NAV3: variants seen among roughly 807,000 people sequenced by gnomAD.
The protein encoded by NAV3 is neuron navigator 3, also known as pore membrane and/or filament interacting like protein 1.
Under a neutral mutation model 244.7 loss-of-function variants are expected in NAV3, and 87 were observed. That is an observed-to-expected ratio of 0.36 (90% confidence interval 0.30 to 0.42). NAV3 has a LOEUF of 0.42. Among genes scored for constraint, NAV3 ranks in the 20% least tolerant of loss-of-function variants. NAV3 has a pLI of 1.00. For synonymous variants in NAV3, 1,126 were observed against 1,042.2 expected, an observed-to-expected ratio of 1.08 and a Z score of -1.55; for missense variants, 2,663 against 2,893.3, an observed-to-expected ratio of 0.92 and a Z score of 1.83.
chr12:78,013,475 C>T (rs1566019247), intron 8 of NAV3, among the ~76,000 whole-genome samples: 1 of 152,180 alleles, frequency 6.6e-6, no homozygotes, highest in East Asian at 1.9e-4. Flanking sequence ...GGGAGGGAAA[C>T]ATAAGGCTGA....
intron 9 of NAV3, among the ~76,000 whole-genome samples, chr12:78,048,248 T>C (rs757021561): frequency 1.3e-5 from 2 of 152,176 alleles, no homozygotes; most frequent in Non-Finnish European, 2.9e-5. Context: ...TCCAGTTCTG[T>C]TCCCTTGCTG....
chr12:77,842,256 C>G (rs1054698323), intron 1 of NAV3, among the ~76,000 whole-genome samples: 1 of 152,072 alleles, frequency 6.6e-6, no homozygotes, highest in Non-Finnish European at 1.5e-5. Flanking sequence ...TACACAAATA[C>G]CATATAAAAA....
intron 2 of NAV3, among the ~76,000 whole-genome samples, chr12:77,816,175 G>A (rs1872520140): frequency 6.6e-6 from 1 of 152,148 alleles, no homozygotes; most frequent in African/African-American, 2.4e-5. Flanking sequence ...AATGAAGACT[G>A]TTACAAATAC....
chr12:77,719,960 T>C (rs1160748617), intron 2 of NAV3, among the ~76,000 whole-genome samples: 2 of 152,182 alleles, frequency 1.3e-5, no homozygotes, highest in East Asian at 3.9e-4. Flanking sequence ...TTTTCTTTTA[T>C]TACTGATTCA....
chr12:77,803,203 A>C (rs939803695), intron 2 of NAV3, among the ~76,000 whole-genome samples: 2 of 152,030 alleles, frequency 1.3e-5, no homozygotes, highest in Non-Finnish European at 2.9e-5. Flanking sequence ...CCCATCATCT[A>C]CATTAGGTAT....
intron 18 of NAV3, among the ~76,000 whole-genome samples, chr12:78,134,561 T>C (rs1233899772): frequency 9.2e-5 from 14 of 152,208 alleles, no homozygotes; most frequent in African/African-American, 3.1e-4. Context: ...TAGCTGTAGA[T>C]GCAAAAGTAG....
intron 3 of NAV3, among the ~76,000 whole-genome samples, chr12:77,946,902 A>G (rs1890401068): frequency 6.6e-6 from 1 of 152,136 alleles, no homozygotes; most frequent in African/African-American, 2.4e-5. Flanking sequence ...GCACAGAAGA[A>G]TGAGGACATC....
At chr12:78,009,673 A>G (rs955534024) in intron 8 of NAV3, among the ~76,000 whole-genome samples, 1 of 152,094 alleles carries the variant, frequency 6.6e-6, no homozygotes, top group African/African-American at 2.4e-5. Flanking sequence ...TCATTAGCCT[A>G]TTTTGAAGAT....
intron 2 of NAV3, among the ~76,000 whole-genome samples, chr12:77,658,544 T>C (rs527569822): frequency 6.6e-6 from 1 of 151,796 alleles, no homozygotes; most frequent in South Asian, 2.1e-4. Context: ...CAAGGTAATG[T>C]ATAGATTCAA....
intron 5 of NAV3, among the ~76,000 whole-genome samples, chr12:77,979,696 AACG>A: frequency 7.3e-6 from 1 of 137,664 alleles, no homozygotes. Flanking sequence ...TAAGATGTGA[AACG>A]AAAAAAAAAA....
At chr12:77,943,586 A>C (rs928467958) in intron 3 of NAV3, among the ~76,000 whole-genome samples, 5 of 152,252 alleles carry the variant, frequency 3.3e-5, no homozygotes, top group African/African-American at 9.6e-5. Flanking sequence ...AATTGAGACA[A>C]GAATGAAAAG....
At chr12:77,607,314 G>A (rs866534444) in intron 2 of NAV3, among the ~76,000 whole-genome samples, 1 of 151,974 alleles carries the variant, frequency 6.6e-6, no homozygotes, top group Non-Finnish European at 1.5e-5. Context: ...AGACCCTACC[G>A]GGCTATCCCC....
upstream of NAV3, among the ~76,000 whole-genome samples, chr12:77,830,020 T>C (rs1200862926): frequency 6.6e-6 from 1 of 152,220 alleles, no homozygotes; most frequent in East Asian, 1.9e-4. Context: ...TTGCTCTCTG[T>C]ATCCATTTTC....
chr12:77,631,087 A>C (rs893226089), intron 2 of NAV3, among the ~76,000 whole-genome samples: 2 of 152,224 alleles, frequency 1.3e-5, no homozygotes, highest in Admixed American at 6.5e-5. Context: ...AAGAGTTTGC[A>C]GTTACAGATG....
intron 1 of NAV3, among the ~76,000 whole-genome samples, chr12:77,874,591 A>G (rs1881569451): frequency 6.6e-6 from 1 of 151,900 alleles, no homozygotes; most frequent in Non-Finnish European, 1.5e-5. Context: ...TATTACTAGT[A>G]AACAATTTCT....
chr12:78,046,144 T>C (rs1484094940), intron 9 of NAV3, among the ~76,000 whole-genome samples: 1 of 152,238 alleles, frequency 6.6e-6, no homozygotes, highest in Non-Finnish European at 1.5e-5. Flanking sequence ...TTAGTCTGGC[T>C]AGCAGTCTAT....
intron 2 of NAV3, among the ~76,000 whole-genome samples, chr12:77,678,481 C>T (rs1016309609): frequency 5.3e-5 from 8 of 152,036 alleles, no homozygotes; most frequent in Non-Finnish European, 1.2e-4. Context: ...GACTCAAGGT[C>T]GTCATTCTAT....
At chr12:78,188,885 ACT>A (rs1593974473) in intron 33 of NAV3, 108 bp downstream of exon 33, 3 of 937,446 alleles carry the variant, frequency 3.2e-6, no homozygotes, top group East Asian at 5.2e-5. Flanking sequence ...CTATTTGAAA[ACT>A]CTGTAGTATT....
chr12:78,022,205 C>G (rs963535113), intron 9 of NAV3, among the ~76,000 whole-genome samples: 1 of 152,090 alleles, frequency 6.6e-6, no homozygotes, highest in Non-Finnish European at 1.5e-5. Context: ...GCAGCCTGCT[C>G]TGTCATCAAT....
Sources: gnomAD v4.1 joint callset for allele counts (sites outside exome capture counted in the v4.1 genomes callset) on GRCh38, gnomAD v4.1.1 for gene constraint, MANE v1.5 for transcripts, NCBI Gene and HGNC (gene_info 2026-07-23, HGNC 2026-07-21) for gene names.